Variants in WIPF3 observed in about 807,000 individuals in gnomAD.
WIPF3 encodes WAS/WASL interacting protein family member 3, also known as WAS/WASL-interacting protein family member 3.
A neutral mutation model predicts 38.9 loss-of-function variants in WIPF3; 33 were observed. The observed-to-expected ratio is 0.85, with a 90% CI of 0.64 to 1.14. The LOEUF (loss-of-function observed/expected upper bound fraction) is 1.14. WIPF3 is among the 50% of genes most tolerant of loss of function. WIPF3 has a pLI of 0.00. For synonymous variants in WIPF3, 324 were observed against 269.3 expected, an observed-to-expected ratio of 1.20 and a Z score of -1.99; for missense variants, 711 against 652.5, an observed-to-expected ratio of 1.09 and a Z score of -0.98.
intron 1 of WIPF3, among the ~76,000 whole-genome samples, chr7:29,813,655 A>G (rs1784414841): frequency 6.6e-6 from 1 of 152,026 alleles, no homozygotes; most frequent in South Asian, 2.1e-4. Flanking sequence ...TTTTTTTCTT[A>G]AAAATCAGTT....
rs1034141712 is a variant in WIPF3 at position 29,878,478 on chromosome 7, G to A, written c.224-531G>A. 6.6e-6 allele frequency among the ~76,000 whole-genome samples: 1 copy of A among 152,138 alleles called. No individual in the cohort carries two copies. Among genetic ancestry groups the A allele is most frequent in the African/African-American group, 2.4e-5 (1 of 41,436 alleles). ...GGTGCAGGGAGGTGCGAGGGGCTGG[G>A]GGCTTGAGGGCTGGAGAGACAGGAA... is the stretch of plus-strand genomic sequence containing the variant. On this transcript the variant is annotated intron_variant, in intron 3 of 8. Transcript: ENST00000242140. This position sits in a 1 kb window ranked among gnomAD's most constrained non-coding sequence, Gnocchi z 4.0.
chr7:29,810,925 G>A (rs1784363013), intron 1 of WIPF3, among the ~76,000 whole-genome samples: 1 of 152,086 alleles, frequency 6.6e-6, no homozygotes, highest in African/African-American at 2.4e-5. Flanking sequence ...GTCTTGCTCT[G>A]TTGCCCAAGC....
rs1239307754 is a variant in WIPF3, at chr7:29,884,259, G to A, written c.765G>A (p.Leu255=). 2 of 1,520,252 alleles carry A rather than the reference G, an allele frequency of 1.3e-6. No individual in the cohort carries two copies. Among genetic ancestry groups the A allele is most frequent in the Non-Finnish European group, 1.8e-6 (2 of 1,136,500 alleles). 94.2% of individuals were successfully genotyped at this position (1,520,252 alleles called of 1,614,324 possible). ...CAGTGAAGCCTCAGCTGGCTCCCTT[G>A]CACCTCCCGCCCATCCCGCCCCCGC... ...DKAVKPQLAP[L]HLPPIPPPLP... Residue 255 remains leucine (L), a synonymous_variant, in exon 5 of 9, where the codon TTG becomes TTA. Coordinates refer to ENST00000242140, the MANE Select transcript of WIPF3 (RefSeq NM_001080529.3).
intron 1 of WIPF3, among the ~76,000 whole-genome samples, chr7:29,829,894 A>C (rs1428804714): frequency 6.6e-6 from 1 of 152,230 alleles, no homozygotes; most frequent in Admixed American, 6.5e-5. Context: ...ATTGGGAGAA[A>C]GTATAAAAGC....
Position 29,827,368 on chromosome 7 carries a change from A to G in WIPF3, c.-57-7300A>G, listed in dbSNP as rs147265445. 2.6e-3 allele frequency among the ~76,000 whole-genome samples: 394 copies of G among 152,350 alleles called. 3 individuals are homozygous for G. Among genetic ancestry groups the G allele is most frequent in the African/African-American group, 9.0e-3 (374 of 41,586 alleles). On this transcript the variant is annotated intron_variant, in intron 1 of 8. Transcript: ENST00000242140. ...GACAAGAAAGTGACAACAGAAAGTGACCATCATAAAACATTCTCATCATCA... is the reference window on the plus strand; with the variant it reads ...GACAAGAAAGTGACAACAGAAAGTGGCCATCATAAAACATTCTCATCATCA...
chr7:29,864,556 A>G (rs1785353514), intron 2 of WIPF3, among the ~76,000 whole-genome samples: 2 of 152,246 alleles, frequency 1.3e-5, no homozygotes, highest in South Asian at 4.1e-4. Flanking sequence ...TGAAGTACAA[A>G]TACTGTCTGT....
intron 7 of WIPF3, among the ~76,000 whole-genome samples, chr7:29,893,971 CTGAT>C (rs1302522550): frequency 6.6e-6 from 1 of 152,192 alleles, no homozygotes; most frequent in Non-Finnish European, 1.5e-5. Flanking sequence ...CTCAATTCTG[CTGAT>C]TATTAAATCA....
intron 8 of WIPF3, among the ~76,000 whole-genome samples, chr7:29,912,338 A>G (rs1164882808): frequency 6.6e-6 from 1 of 152,236 alleles, no homozygotes; most frequent in Non-Finnish European, 1.5e-5. Context: ...AGAATGTGAA[A>G]TGGTACAGCT....
At chr7:29,841,452 A>G (rs941727591) in intron 2 of WIPF3, among the ~76,000 whole-genome samples, 4 of 152,272 alleles carry the variant, frequency 2.6e-5, no homozygotes, top group African/African-American at 9.6e-5. Context: ...GGCTCTCTTC[A>G]TCTCCTTTCC....
chr7:29,862,380 G>A (rs1474948513), intron 2 of WIPF3, among the ~76,000 whole-genome samples: 1 of 152,178 alleles, frequency 6.6e-6, no homozygotes, highest in Non-Finnish European at 1.5e-5. Flanking sequence ...GTAGGGCCAG[G>A]AAATGATAAA....
chr7:29,851,954 C>T (rs1785105667), intron 2 of WIPF3, among the ~76,000 whole-genome samples: 2 of 152,212 alleles, frequency 1.3e-5, no homozygotes, highest in South Asian at 4.2e-4. Context: ...AGAAAGGCTC[C>T]TCTAAAGCTT....
chr7:29,877,641 T>C (rs1477163465), intron 3 of WIPF3, among the ~76,000 whole-genome samples: 1 of 152,204 alleles, frequency 6.6e-6, no homozygotes, highest in Non-Finnish European at 1.5e-5. Flanking sequence ...AAACCACAGA[T>C]TGTCCACATG....
At chr7:29,870,362 C>T (rs761533119) in intron 2 of WIPF3, among the ~76,000 whole-genome samples, 14 of 152,044 alleles carry the variant, frequency 9.2e-5, no homozygotes, top group Non-Finnish European at 1.6e-4. Context: ...GACATGAAAA[C>T]CACATAAGGG....
intron 7 of WIPF3, among the ~76,000 whole-genome samples, chr7:29,901,423 T>G (rs2128079954): frequency 6.7e-6 from 1 of 150,274 alleles, no homozygotes; most frequent in South Asian, 2.1e-4. Flanking sequence ...AAGACAGAGT[T>G]TGCCTTTCTG....
chr7:29,868,888 T>C (rs1374719490), intron 2 of WIPF3, among the ~76,000 whole-genome samples: 2 of 152,160 alleles, frequency 1.3e-5, no homozygotes, highest in Non-Finnish European at 2.9e-5. Context: ...ATTATACTGT[T>C]ATAGGACCAC....
In WIPF3 at chr7:29,884,444, A is replaced by C; in HGVS notation, c.950A>C (p.Asn317Thr). 6.7e-7 allele frequency: 1 copy of C among 1,500,816 alleles called. No homozygotes were observed. Among genetic ancestry groups the C allele is most frequent in the South Asian group, 1.2e-5 (1 of 82,670 alleles). The allele number at this position is 1,500,816 out of a possible 1,614,324, so 93.0% of individuals were successfully genotyped here. A position where few individuals can be genotyped will look rare whatever the true frequency, so the allele number is the denominator to read the frequency against. ...SLPAPPLPGVNSSSETPPPLP... is the reference protein window; with the variant it reads ...SLPAPPLPGVTSSSETPPPLP... ...CCCGCGCCCCCTTTGCCAGGAGTTA[A>C]TAGCAGCAGTGAAACTCCACCCCCG... The change falls in exon 5 of 9, where the codon AAT becomes ACT. Residue 317 changes from asparagine to threonine, a missense_variant. Coordinates refer to ENST00000242140, the MANE Select transcript of WIPF3 (RefSeq NM_001080529.3).
Position 29,844,797 on chromosome 7 carries a change from G to A in WIPF3, c.90+9983G>A, listed in dbSNP as rs1259744424. Among the ~76,000 whole-genome samples the A allele has an allele frequency of 1.3e-5, 2 of 152,176 alleles. No individual in the cohort carries two copies. The highest frequency in any genetic ancestry group is 1.3e-4 in the Admixed American group (2 of 15,278). ...TCATTTTAAGGATGAGCTAACTCAG[G>A]CACTGGGGGCACGTCACTTACTGGG... On this transcript the variant is annotated intron_variant, in intron 2 of 8. Coordinates refer to ENST00000242140, the MANE Select transcript of WIPF3 (RefSeq NM_001080529.3). This position sits in a 1 kb window ranked among gnomAD's most constrained non-coding sequence, Gnocchi z 4.8.
At chr7:29,882,377 G>C (rs1213339315) in intron 4 of WIPF3, among the ~76,000 whole-genome samples, 4 of 152,172 alleles carry the variant, frequency 2.6e-5, no homozygotes, top group African/African-American at 9.7e-5. Context: ...ATGGAAAAAG[G>C]TTTGAGAACT....
At chr7:29,820,244 A>C (rs1784515737) in intron 1 of WIPF3, among the ~76,000 whole-genome samples, 1 of 152,046 alleles carries the variant, frequency 6.6e-6, no homozygotes, top group South Asian at 2.1e-4. Context: ...TACCATTATA[A>C]AGAATCTTTC....
Sources: allele counts gnomAD v4.1 joint callset (sites outside exome capture counted in the v4.1 genomes callset), GRCh38; gene constraint gnomAD v4.1.1; non-coding constraint Gnocchi (gnomAD v3.1); transcripts MANE v1.5; gene names NCBI Gene and HGNC (gene_info 2026-07-23, HGNC 2026-07-21).